DTWD1: variants seen among roughly 807,000 people sequenced by gnomAD.
DTWD1 encodes the protein DTW motif tRNA-uridine aminocarboxypropyltransferase 1.
A neutral mutation model predicts 30.2 loss-of-function variants in DTWD1; 27 were observed. The ratio of observed to expected loss-of-function variants is 0.90; its 90% CI spans 0.66 to 1.23. The LOEUF (loss-of-function observed/expected upper bound fraction) is 1.23. DTWD1 is among the 50% of genes most tolerant of loss of function. DTWD1 has a pLI of 0.00. For missense variants in DTWD1, 342 were observed against 348.8 expected (o/e 0.98, Z 0.15); for synonymous variants, 99 against 113.1 (o/e 0.88, Z 0.79).
Position 49,652,792 on chromosome 15 carries a change from ACTGC to A in DTWD1, c.*9218_*9221del, listed in dbSNP as rs1367082848. The A allele has an allele frequency of 2.6e-5, 4 of 152,156 alleles. No individual in the cohort carries two copies. The highest frequency in any genetic ancestry group is 9.7e-5 in the African/African-American group (4 of 41,448). 9.4% of individuals were successfully genotyped at this position (152,156 alleles called of 1,614,324 possible). On this transcript the variant is annotated 3_prime_UTR_variant, in exon 5 of 5. Coordinates refer to ENST00000403028, the MANE Select transcript of DTWD1 (RefSeq NM_001144955.2). ...TGGATTGTAATAAGCAAAGAGATAC[ACTGC>A]CTGATTCACTTTAAGAAAGGACTGA...
chr15:49,629,279 A>G (rs552700498), intron 2 of DTWD1, among the ~76,000 whole-genome samples: 1 of 152,276 alleles, frequency 6.6e-6, no homozygotes, highest in South Asian at 2.1e-4. Flanking sequence ...AATACCTTGG[A>G]TTGTGTACAG....
chr15:49,622,146 G>A (rs1016272351), intron 1 of DTWD1, among the ~76,000 whole-genome samples: 3 of 152,166 alleles, frequency 2.0e-5, no homozygotes, highest in African/African-American at 7.2e-5. Context: ...TTTTGATTTA[G>A]TTAACAAGTG....
At position 49,652,252 on chromosome 15, in the gene DTWD1, A is replaced by AGCT. The variant is rs928261783; in HGVS notation, c.*8677_*8679dup. 2 of 152,178 alleles carry AGCT rather than the reference A, an allele frequency of 1.3e-5. No individual in the cohort carries two copies. Among genetic ancestry groups the AGCT allele is most frequent in the African/African-American group, 4.8e-5 (2 of 41,458 alleles). 9.4% of individuals were successfully genotyped at this position (152,178 alleles called of 1,614,324 possible). ...ATAAAAAATCTCACTGAAAAACATAAGCTGCAGCAGCTACCTGGATACTTT... is the reference window on the plus strand; with the variant it reads ...ATAAAAAATCTCACTGAAAAACATAAGCTGCTGCAGCAGCTACCTGGATACTTT... On this transcript the variant is annotated 3_prime_UTR_variant, in exon 5 of 5. Coordinates refer to ENST00000403028, the MANE Select transcript of DTWD1 (RefSeq NM_001144955.2).
rs372087038 is a variant in DTWD1 at position 49,628,213 on chromosome 15, G to T, written c.264+2782G>T. Among the ~76,000 whole-genome samples the T allele has an allele frequency of 1.1e-4, 17 of 152,246 alleles. No homozygotes were observed. In the East Asian group the frequency reaches 1.2e-3, roughly 10 times the overall value. ...TTGTCCCACTGGAAGCTCTTCAGGGGTAATGTATGGAGCTGTCATCTCCTA... is the reference window on the plus strand; with the variant it reads ...TTGTCCCACTGGAAGCTCTTCAGGGTTAATGTATGGAGCTGTCATCTCCTA... On this transcript the variant is annotated intron_variant, in intron 2 of 4. Coordinates refer to ENST00000403028, the MANE Select transcript of DTWD1 (RefSeq NM_001144955.2).
At chr15:49,633,059 A>ATATATATATATATATATC (rs1292519722) in intron 3 of DTWD1, among the ~76,000 whole-genome samples, 1 of 145,242 alleles carries the variant, frequency 6.9e-6, no homozygotes, top group Non-Finnish European at 1.5e-5. Flanking sequence ...CTATATATAT[A>ATATATATATATATATATC]TATATATATA....
In DTWD1 at chr15:49,655,833, C is replaced by G. The variant is rs2153355276; in HGVS notation, c.*12255C>G. 2 of 152,120 alleles carry G rather than the reference C, an allele frequency of 1.3e-5. No individual in the cohort carries two copies. The highest frequency in any genetic ancestry group is 3.4e-3 in the Middle Eastern group (1 of 294). The allele number at this position is 152,120 out of a possible 1,614,324, so 9.4% of individuals were successfully genotyped here. On this transcript the variant is annotated 3_prime_UTR_variant, in exon 5 of 5. Transcript: ENST00000403028. The stretch of plus-strand genomic sequence containing the variant: ...GAATAGAAAACAGTAGAGAATACTT[C>G]AAGAGTATTCTAGGTATGCACTAAG...
Position 49,643,435 on chromosome 15 carries a change from C to T in DTWD1, c.772C>T (p.Leu258=), listed in dbSNP as rs749020916. 1.9e-6 allele frequency: 3 copies of T among 1,603,384 alleles called. No individual in the cohort carries two copies. In the African/African-American group the frequency reaches 4.1e-5, roughly 22 times the overall value. ...LSTIEAIYYF[L]VDYHTDILKE... is the part of the protein sequence containing the mutation. ...TACAATTGAAGCCATTTACTACTTT[C>T]TGGTAGACTACCATACTGATATATT... is the stretch of plus-strand genomic sequence containing the variant. Residue 258 remains leucine, a synonymous_variant, in exon 5 of 5, where the codon CTG becomes TTG. Coordinates refer to ENST00000403028, the MANE Select transcript of DTWD1 (RefSeq NM_001144955.2).
Position 49,643,404 on chromosome 15 carries a change from C to A in DTWD1, c.741C>A (p.Phe247Leu). The change falls in exon 5 of 5, where the codon TTC becomes TTA. Residue 247 changes from phenylalanine to leucine, a missense_variant. Phe to Leu is a conservative substitution (Grantham distance 22). Transcript: ENST00000403028. ...WRHQKGKPDT[F>L]LSTIEAIYYF... ...ATCAAAAAGGAAAGCCAGATACTTT[C>A]CTTTCTACAATTGAAGCCATTTACT... 6.3e-7 allele frequency: 1 copy of A among 1,590,006 alleles called. No individual in the cohort carries two copies. The highest frequency in any genetic ancestry group is 1.1e-5 in the South Asian group (1 of 87,920).
At position 49,625,148 on chromosome 15, in the gene DTWD1, A is replaced by G; in HGVS notation, c.-20A>G. On this transcript the variant is annotated 5_prime_UTR_variant, in exon 2 of 5. It removes the in-frame stop codon of an upstream open reading frame in the 5' UTR. Coordinates refer to ENST00000403028, the MANE Select transcript of DTWD1 (RefSeq NM_001144955.2). ...ATATGTGTTTTAGAAATAGCCGTTA[A>G]ACTTTGGTTTGAATGAAGAATGTCT... 1 of 1,608,270 alleles carries G rather than the reference A, an allele frequency of 6.2e-7. No individual in the cohort carries two copies. The highest frequency in any genetic ancestry group is 8.5e-7 in the Non-Finnish European group (1 of 1,176,590).
intron 2 of DTWD1, among the ~76,000 whole-genome samples, chr15:49,625,678 C>T (rs921583609): frequency 6.6e-6 from 1 of 152,118 alleles, no homozygotes. Flanking sequence ...GATTTTTAAC[C>T]CTAATGCAGT....
intron 1 of DTWD1, among the ~76,000 whole-genome samples, chr15:49,624,549 G>A (rs1276028516): frequency 1.3e-5 from 2 of 152,078 alleles, no homozygotes; most frequent in Non-Finnish European, 1.5e-5. Context: ...AAAATTTATA[G>A]GATAATATAT....
intron 4 of DTWD1, among the ~76,000 whole-genome samples, chr15:49,640,338 T>C (rs1598665199): frequency 6.6e-6 from 1 of 152,172 alleles, no homozygotes; most frequent in Non-Finnish European, 1.5e-5. Context: ...TACTACAGTT[T>C]ATCTGGTTTC....
In DTWD1 at chr15:49,648,839, C is replaced by T. The variant is rs540927172; in HGVS notation, c.*5261C>T. 9 of 152,244 alleles carry T rather than the reference C, an allele frequency of 5.9e-5. No individual in the cohort carries two copies. The highest frequency in any genetic ancestry group is 4.1e-4 in the South Asian group (2 of 4,824). 9.4% of individuals were successfully genotyped at this position (152,244 alleles called of 1,614,324 possible). A position where few individuals can be genotyped will look rare whatever the true frequency, so the allele number is the denominator to read the frequency against. On this transcript the variant is annotated 3_prime_UTR_variant, in exon 5 of 5. Coordinates refer to ENST00000403028, the MANE Select transcript of DTWD1 (RefSeq NM_001144955.2). ...CCACTATTACTAGCTAATCCAACAA[C>T]GAGGCCTTATTTTGGCTTTCTTTCG...
At chr15:49,642,339 A>T (rs16962680) in intron 4 of DTWD1, among the ~76,000 whole-genome samples, 9,101 of 152,208 alleles carry the variant, frequency 0.06, 711 homozygotes, top group African/African-American at 0.18. Context: ...GTTTGTATGA[A>T]GACAGCTGAG....
At position 49,655,902 on chromosome 15, in the gene DTWD1, A is replaced by G. The variant is rs1364924413; in HGVS notation, c.*12324A>G. 1 of 152,094 alleles carries G rather than the reference A, an allele frequency of 6.6e-6. No individual in the cohort carries two copies. Among genetic ancestry groups the G allele is most frequent in the African/African-American group, 2.4e-5 (1 of 41,438 alleles). The allele number at this position is 152,094 out of a possible 1,614,324, so 9.4% of individuals were successfully genotyped here. ...ATCTACATAATTTACCTTCCTCTCTAGGCCCATCATAAAAATCTTTGAAAA... is the reference window on the plus strand; with the variant it reads ...ATCTACATAATTTACCTTCCTCTCTGGGCCCATCATAAAAATCTTTGAAAA... On this transcript the variant is annotated 3_prime_UTR_variant, in exon 5 of 5. Transcript: ENST00000403028.
chr15:49,624,227 T>G (rs1347843377), intron 1 of DTWD1, among the ~76,000 whole-genome samples: 1 of 152,196 alleles, frequency 6.6e-6, no homozygotes, highest in Non-Finnish European at 1.5e-5. Flanking sequence ...TCCCTGTTTC[T>G]ACTTAAAGTG....
chr15:49,621,613 T>G (rs1272794260), intron 1 of DTWD1, among the ~76,000 whole-genome samples: 1 of 152,104 alleles, frequency 6.6e-6, no homozygotes, highest in Non-Finnish European at 1.5e-5. Context: ...TCTAAATTAT[T>G]TATTGGGAAT....
chr15:49,627,814 A>G (rs2078863851), intron 2 of DTWD1, among the ~76,000 whole-genome samples: 3 of 152,172 alleles, frequency 2.0e-5, no homozygotes, highest in Non-Finnish European at 4.4e-5. Context: ...GTCAGTGGTG[A>G]CTTGTGAGTG....
At chr15:49,636,479 T>C (rs1357791105) in intron 4 of DTWD1, among the ~76,000 whole-genome samples, 1 of 152,170 alleles carries the variant, frequency 6.6e-6, no homozygotes, top group Admixed American at 6.5e-5. Flanking sequence ...TCCCCCCATA[T>C]AGCATTTAAA....
Sources: allele counts gnomAD v4.1 joint callset (sites outside exome capture counted in the v4.1 genomes callset), GRCh38; gene constraint gnomAD v4.1.1; transcripts MANE v1.5; gene names NCBI Gene and HGNC (gene_info 2026-07-23, HGNC 2026-07-21).